The following GIGYF2 variants were observed in gnomAD, a reference collection of about 807,000 sequenced individuals.
The protein encoded by GIGYF2 is GRB10 interacting GYF protein 2, also known as GRB10-interacting GYF protein 2.
A neutral mutation model predicts 208.1 loss-of-function variants in GIGYF2; 25 were observed. The ratio of observed to expected loss-of-function variants is 0.12; its 90% confidence interval spans 0.09 to 0.17. GIGYF2 has a LOEUF of 0.17. Among genes scored for constraint, GIGYF2 ranks in the 10% least tolerant of loss-of-function variants. The pLI is 1.00. For missense variants in GIGYF2, 1,302 were observed against 1,579.4 expected (o/e 0.82, Z 2.98); for synonymous variants, 534 against 543.8 (o/e 0.98, Z 0.25).
intron 7 of GIGYF2, 90 bp downstream of exon 7, chr2:232,760,681 T>C: frequency 1.3e-6 from 1 of 779,972 alleles, no homozygotes; most frequent in Non-Finnish European, 2.2e-6. Flanking sequence ...TTTTGTACAG[T>C]TAAAGGGTTT....
chr2:232,745,720 A>G (rs1390241677), intron 3 of GIGYF2, among the ~76,000 whole-genome samples: 4 of 152,164 alleles, frequency 2.6e-5, no homozygotes. Context: ...ATCACTTACA[A>G]CCTTAGTGAA....
chr2:232,808,046 T>C (rs1320382568), intron 15 of GIGYF2, among the ~76,000 whole-genome samples: 1 of 152,326 alleles, frequency 6.6e-6, no homozygotes, highest in South Asian at 2.1e-4. Flanking sequence ...TGGCTTTTTT[T>C]CCATTTTGTT....
At chr2:232,783,899 G>T (rs1699807889) in intron 8 of GIGYF2, among the ~76,000 whole-genome samples, 1 of 152,214 alleles carries the variant, frequency 6.6e-6, no homozygotes. Flanking sequence ...TGTTGGTTAG[G>T]CTGGTCTCGA....
At chr2:232,832,043 T>C (rs191374109) in intron 21 of GIGYF2, among the ~76,000 whole-genome samples, 29 of 152,306 alleles carry the variant, frequency 1.9e-4, no homozygotes, top group Admixed American at 1.8e-3. Context: ...AAACAGGAGC[T>C]GCCATAGGTG....
chr2:232,779,191 A>C (rs752465679), intron 8 of GIGYF2, among the ~76,000 whole-genome samples: 15 of 152,174 alleles, frequency 9.9e-5, no homozygotes, highest in Non-Finnish European at 1.9e-4. Flanking sequence ...TTTCACAGTA[A>C]GGTAATTGGA....
intron 2 of GIGYF2, among the ~76,000 whole-genome samples, chr2:232,715,134 A>G (rs1053237245): frequency 1.3e-5 from 2 of 152,132 alleles, no homozygotes; most frequent in South Asian, 2.1e-4. Flanking sequence ...TTATGGCTGC[A>G]GGGTCTGGTA....
intron 2 of GIGYF2, among the ~76,000 whole-genome samples, chr2:232,714,646 T>G (rs1276477423): frequency 2.0e-5 from 3 of 152,182 alleles, no homozygotes; most frequent in Non-Finnish European, 4.4e-5. Flanking sequence ...ATATGTAACA[T>G]TTTCATTATC....
rs541921459 is a variant in GIGYF2 at position 232,711,220 on chromosome 2, T to C, written c.-44+7731T>C. Among the ~76,000 whole-genome samples, 311 of 151,074 alleles carry C rather than the reference T, an allele frequency of 2.1e-3. 1 individual carries two copies. Among genetic ancestry groups the C allele is most frequent in the African/African-American group, 7.3e-3 (299 of 41,220 alleles). On this transcript the variant is annotated intron_variant, in intron 2 of 28. Coordinates refer to ENST00000373563, the MANE Select transcript of GIGYF2 (RefSeq NM_001103146.3). ...CTCCCACCTGTACCTCCTGAGTAGC[T>C]GGGACTCCAGGCGTGCCACCATGCC...
At chr2:232,822,817 T>C (rs1282979105) in intron 21 of GIGYF2, among the ~76,000 whole-genome samples, 3 of 152,202 alleles carry the variant, frequency 2.0e-5, no homozygotes, top group African/African-American at 7.2e-5. Context: ...CCAATAGTAT[T>C]TTTGTTGATT....
chr2:232,835,519 T>A (rs1356417936), intron 22 of GIGYF2, among the ~76,000 whole-genome samples: 1 of 152,200 alleles, frequency 6.6e-6, no homozygotes, highest in Non-Finnish European at 1.5e-5. Context: ...TACTTTCCTG[T>A]TTCTTGCATG....
chr2:232,856,556 G>C (rs1006796154), intron 28 of GIGYF2, among the ~76,000 whole-genome samples: 1 of 152,108 alleles, frequency 6.6e-6, no homozygotes, highest in Non-Finnish European at 1.5e-5. Context: ...AGACGGGCAT[G>C]GTGGCATGTG....
intron 8 of GIGYF2, among the ~76,000 whole-genome samples, chr2:232,778,373 C>T (rs908317198): frequency 6.6e-6 from 1 of 152,156 alleles, no homozygotes; most frequent in African/African-American, 2.4e-5. Flanking sequence ...AAAGAAATGT[C>T]TTAAGTGAAG....
At chr2:232,824,662 T>A (rs764552056) in intron 21 of GIGYF2, among the ~76,000 whole-genome samples, 1 of 152,254 alleles carries the variant, frequency 6.6e-6, no homozygotes, top group Non-Finnish European at 1.5e-5. Context: ...CTAGTGCTGA[T>A]GTAGAAGCTG....
chr2:232,772,359 T>C (rs1294307402), intron 8 of GIGYF2, among the ~76,000 whole-genome samples: 1 of 152,226 alleles, frequency 6.6e-6, no homozygotes, highest in East Asian at 1.9e-4. Context: ...GAGAATTGTT[T>C]CTTGGCAAAA....
chr2:232,855,938 G>GT (rs11313175), intron 28 of GIGYF2, among the ~76,000 whole-genome samples: 35 of 148,826 alleles, frequency 2.4e-4, no homozygotes, highest in Admixed American at 5.4e-4. Context: ...TTTTTGTTTT[G>GT]TTTTTTTTTT....
At chr2:232,740,603 C>CATTAAGA (rs1179688496) in intron 3 of GIGYF2, among the ~76,000 whole-genome samples, 3 of 152,152 alleles carry the variant, frequency 2.0e-5, no homozygotes, top group Non-Finnish European at 4.4e-5. Context: ...TTAAGAAATG[C>CATTAAGA]ACTGTATTTC....
chr2:232,771,247 G>C (rs1221570072), intron 8 of GIGYF2: 2 of 1,609,576 alleles, frequency 1.2e-6, no homozygotes, highest in Admixed American at 1.7e-5. Context: ...TCGAAGATAT[G>C]CAAGACCTCT....
intron 16 of GIGYF2, chr2:232,810,878 A>G (rs1700714262): frequency 4.0e-6 from 1 of 252,290 alleles, no homozygotes; most frequent in African/African-American, 2.3e-5. Context: ...TAAAGCTACT[A>G]ATTTGAATCT....
intron 13 of GIGYF2, among the ~76,000 whole-genome samples, chr2:232,795,302 T>TA (rs1362080074): frequency 1.3e-5 from 2 of 152,226 alleles, no homozygotes; most frequent in Non-Finnish European, 2.9e-5. Context: ...GGAAAATAGT[T>TA]AAACTTTCAG....
Sources: allele counts gnomAD v4.1 joint callset (sites outside exome capture counted in the v4.1 genomes callset), GRCh38; gene constraint gnomAD v4.1.1; transcripts MANE v1.5; gene names NCBI Gene and HGNC (gene_info 2026-07-23, HGNC 2026-07-21).